HACD2: variants seen among roughly 807,000 people sequenced by gnomAD.
HACD2 encodes very-long-chain (3R)-3-hydroxyacyl-CoA dehydratase 2.
Under a neutral mutation model 31.0 loss-of-function variants are expected in HACD2, and 15 were observed. The observed-to-expected ratio is 0.48, with a 90% CI of 0.32 to 0.75. HACD2 has a LOEUF of 0.75. HACD2 is among the 30% of genes least tolerant of loss of function. HACD2 has a pLI of 0.03. For missense variants in HACD2, 283 were observed against 313.0 expected (o/e 0.90, Z 0.72); for synonymous variants, 115 against 122.2 (o/e 0.94, Z 0.39).
chr3:123,582,302 G>A lies in HACD2; in HGVS notation c.183C>T (p.Val61=). 6.2e-7 allele frequency: 1 copy of A among 1,602,284 alleles called. No individual in the cohort carries two copies. Among genetic ancestry groups the A allele is most frequent in the African/African-American group, 1.3e-5 (1 of 74,320 alleles). The change falls in exon 2 of 7, where the codon GTC becomes GTT. Residue 61 remains valine, a synonymous_variant. Coordinates refer to ENST00000383657, the MANE Select transcript of HACD2 (RefSeq NM_198402.5). The part of the protein sequence containing the change: ...AGWLVIAVGL[V]RAYLAKGSYH... ...AGCTACCCTTAGCCAGGTATGCTCG[G>A]ACCAGACCAACCGCTATAACCAGCC...
rs575267939 is a variant in HACD2 at position 123,544,889 on chromosome 3, CA to C, written c.293-16416del. Among the ~76,000 whole-genome samples, 340 of 151,872 alleles carry C rather than the reference CA, an allele frequency of 2.2e-3. 1 individual carries two copies. Among genetic ancestry groups the C allele is most frequent in the African/African-American group, 7.0e-3 (291 of 41,428 alleles). ...AGGAGTTTGAGACCAGTCTGGGGAACATGGCAAAACCCTGTCTCTCCAAAAA... is the reference window on the plus strand; with the variant it reads ...AGGAGTTTGAGACCAGTCTGGGGAACTGGCAAAACCCTGTCTCTCCAAAAA... On this transcript the variant is annotated intron_variant, in intron 3 of 6. Transcript: ENST00000383657.
In HACD2 at chr3:123,560,839, A is replaced by G. The variant is rs558326656; in HGVS notation, c.292+6923T>C. On this transcript the variant is annotated intron_variant, in intron 3 of 6. Coordinates refer to ENST00000383657, the MANE Select transcript of HACD2 (RefSeq NM_198402.5). ...TTAAAATGTCAGCTAAGTGGAAACA[A>G]TGCAGTAATGTTTCTGTGCCCAGCC... 9.2e-5 allele frequency among the ~76,000 whole-genome samples: 14 copies of G among 152,272 alleles called. No homozygotes were observed. In the South Asian group the frequency reaches 2.7e-3, roughly 29 times the overall value.
chr3:123,499,607 C>G (rs9820088), intron 6 of HACD2: 15,778 of 456,116 alleles, frequency 0.035, 349 homozygotes, highest in Middle Eastern at 0.057. Flanking sequence ...TGATGCCATG[C>G]AATGAGGAGA....
chr3:123,534,985 A>C (rs770131932), intron 3 of HACD2, among the ~76,000 whole-genome samples: 21 of 152,238 alleles, frequency 1.4e-4, no homozygotes, highest in Non-Finnish European at 2.1e-4. Flanking sequence ...CTTATGAAGT[A>C]AGAAGGTTAC....
At chr3:123,497,669 C>CATCT (rs985563717) in intron 6 of HACD2, among the ~76,000 whole-genome samples, 1 of 152,178 alleles carries the variant, frequency 6.6e-6, no homozygotes, top group African/African-American at 2.4e-5. Context: ...AGGCCTTAGA[C>CATCT]ATCTACTGAG....
chr3:123,577,980 G>A (rs1446340149), intron 2 of HACD2, among the ~76,000 whole-genome samples: 2 of 152,136 alleles, frequency 1.3e-5, no homozygotes, highest in African/African-American at 4.8e-5. Context: ...ACTATTTCAA[G>A]AACAATATCA....
chr3:123,511,808 C>T (rs9856208), intron 4 of HACD2, among the ~76,000 whole-genome samples: 5 of 152,246 alleles, frequency 3.3e-5, no homozygotes, highest in South Asian at 4.1e-4. Flanking sequence ...GCCCTCCTAT[C>T]GGTTAGGGTA....
intron 2 of HACD2, among the ~76,000 whole-genome samples, chr3:123,577,861 A>G (rs2107759613): frequency 6.6e-6 from 1 of 152,346 alleles, no homozygotes; most frequent in East Asian, 1.9e-4. Flanking sequence ...TTACAGAGGA[A>G]CTCGTTTTTT....
At chr3:123,538,714 A>T (rs755572757) in intron 3 of HACD2, among the ~76,000 whole-genome samples, 1 of 152,240 alleles carries the variant, frequency 6.6e-6, no homozygotes. Flanking sequence ...AGTGTGAGCA[A>T]CTGCACCCAG....
intron 2 of HACD2, among the ~76,000 whole-genome samples, chr3:123,577,636 A>G (rs1400443191): frequency 6.6e-6 from 1 of 151,852 alleles, no homozygotes; most frequent in Admixed American, 6.6e-5. Context: ...AAAAAAAAAA[A>G]AAGAAAGTGT....
At chr3:123,550,515 G>C (rs990876538) in intron 3 of HACD2, among the ~76,000 whole-genome samples, 1 of 152,194 alleles carries the variant, frequency 6.6e-6, no homozygotes, top group African/African-American at 2.4e-5. Flanking sequence ...AAGTGGCAGA[G>C]AAATGATGTT....
intron 2 of HACD2, among the ~76,000 whole-genome samples, chr3:123,578,857 A>C (rs918977033): frequency 6.6e-6 from 1 of 152,234 alleles, no homozygotes; most frequent in African/African-American, 2.4e-5. Flanking sequence ...ACTTATGTGT[A>C]ATTAAACAAT....
At chr3:123,511,025 G>A (rs530218829) in intron 4 of HACD2, among the ~76,000 whole-genome samples, 15 of 150,188 alleles carry the variant, frequency 1.0e-4, no homozygotes, top group South Asian at 4.2e-4. Context: ...TGATTTGCAC[G>A]TCCCTAATGA....
At chr3:123,535,456 A>G (rs1308769846) in intron 3 of HACD2, among the ~76,000 whole-genome samples, 3 of 152,206 alleles carry the variant, frequency 2.0e-5, no homozygotes. Flanking sequence ...TACAAAAATT[A>G]CCAGCAGCAA....
intron 4 of HACD2, among the ~76,000 whole-genome samples, chr3:123,527,164 CTA>C (rs1441129125): frequency 6.6e-6 from 1 of 152,080 alleles, no homozygotes. Context: ...TCATTGGAGA[CTA>C]TTGGAAGATA....
intron 4 of HACD2, among the ~76,000 whole-genome samples, chr3:123,524,693 A>T (rs1485985901): frequency 1.3e-5 from 2 of 152,112 alleles, no homozygotes; most frequent in Non-Finnish European, 2.9e-5. Context: ...TTTTGTAGAG[A>T]TGAGGTCTCA....
intron 4 of HACD2, among the ~76,000 whole-genome samples, chr3:123,523,343 AG>A (rs2056240982): frequency 6.6e-6 from 1 of 152,120 alleles, no homozygotes; most frequent in East Asian, 1.9e-4. Flanking sequence ...CTGCTTTGTA[AG>A]GGTTTCAGAA....
intron 2 of HACD2, among the ~76,000 whole-genome samples, chr3:123,579,649 T>C (rs2056944826): frequency 6.6e-6 from 1 of 152,092 alleles, no homozygotes; most frequent in African/African-American, 2.4e-5. Flanking sequence ...AGAAACCCCT[T>C]TAAATTATTG....
At chr3:123,525,637 G>A (rs1205622200) in intron 4 of HACD2, among the ~76,000 whole-genome samples, 3 of 152,184 alleles carry the variant, frequency 2.0e-5, no homozygotes, top group East Asian at 3.9e-4. Context: ...AAGGAAACAC[G>A]CAGGGCAGAG....
Sources: allele counts gnomAD v4.1 joint callset (sites outside exome capture counted in the v4.1 genomes callset), GRCh38; gene constraint gnomAD v4.1.1; transcripts MANE v1.5; gene names NCBI Gene and HGNC (gene_info 2026-07-23, HGNC 2026-07-21).